Variants in PPP2R2B observed in about 807,000 individuals in gnomAD.
PPP2R2B encodes protein phosphatase 2 regulatory subunit Bbeta.
Under a neutral mutation model 46.0 loss-of-function variants are expected in PPP2R2B, and 5 were observed. The ratio of observed to expected loss-of-function variants is 0.11; its 90% CI spans 0.06 to 0.23. PPP2R2B has a LOEUF of 0.23. Ranked by LOEUF, PPP2R2B falls within the 10% of genes least tolerant of loss-of-function variation. The pLI, the probability that PPP2R2B is intolerant of heterozygous loss-of-function variation, is 1.00. For synonymous variants in PPP2R2B, 215 were observed against 206.7 expected, an observed-to-expected ratio of 1.04 and a Z score of -0.34; for missense variants, 367 against 575.0, an observed-to-expected ratio of 0.64 and a Z score of 3.70.
intron 5 of PPP2R2B, among the ~76,000 whole-genome samples, chr5:146,673,775 A>G (rs572824736): frequency 6.6e-6 from 1 of 152,336 alleles, no homozygotes; most frequent in African/African-American, 2.4e-5. Flanking sequence ...CTCAGTGAGA[A>G]CTTGAAAGTT....
At chr5:146,707,933 T>G (rs1779969565) in intron 2 of PPP2R2B, among the ~76,000 whole-genome samples, 1 of 152,224 alleles carries the variant, frequency 6.6e-6, no homozygotes, top group African/African-American at 2.4e-5. Flanking sequence ...CTTCGGTATT[T>G]TCTATATTTT....
chr5:146,659,041 C>A (rs1417864654), intron 5 of PPP2R2B, among the ~76,000 whole-genome samples: 3 of 152,066 alleles, frequency 2.0e-5, no homozygotes, highest in African/African-American at 7.3e-5. Context: ...TAGAAATGAT[C>A]AAAAACCTTT....
In PPP2R2B at chr5:146,908,777, C is replaced by T. The variant is rs148755610; in HGVS notation, c.79+146888G>A. On this transcript the variant is annotated intron_variant, in intron 1 of 8. Coordinates refer to the PPP2R2B transcript ENST00000336640. ...TCATGCCTTCTTTCTTCCTTTCCCG[C>T]CCTCCCTTCCTCCCTTCCTCCCTTC... 1.6e-3 allele frequency among the ~76,000 whole-genome samples: 237 copies of T among 150,670 alleles called. 3 individuals carry two copies. Among genetic ancestry groups the T allele is most frequent in the African/African-American group, 5.2e-3 (211 of 40,412 alleles).
intron 1 of PPP2R2B, among the ~76,000 whole-genome samples, chr5:146,926,915 C>CAACTCACT (rs34835501): frequency 6.6e-6 from 1 of 152,156 alleles, no homozygotes; most frequent in African/African-American, 2.4e-5. Flanking sequence ...ATGGCCCTCC[C>CAACTCACT]AACTCACTCC....
chr5:146,799,152 G>A (rs917743710), intron 2 of PPP2R2B, among the ~76,000 whole-genome samples: 2 of 152,178 alleles, frequency 1.3e-5, no homozygotes, highest in Non-Finnish European at 2.9e-5. Flanking sequence ...ACTAAACAAT[G>A]AGGAGGCCAA....
At chr5:146,621,261 C>T (rs1406409291) in intron 7 of PPP2R2B, among the ~76,000 whole-genome samples, 1 of 152,176 alleles carries the variant, frequency 6.6e-6, no homozygotes, top group African/African-American at 2.4e-5. Flanking sequence ...TTGCAAACAT[C>T]GAGTAGTGAT....
At position 146,638,248 on chromosome 5, in the gene PPP2R2B, C is replaced by T. The variant is rs1437015576; in HGVS notation, c.790+3G>A. The T allele has an allele frequency of 3.1e-6, 5 of 1,611,864 alleles. No individual in the cohort carries two copies. Among genetic ancestry groups the T allele is most frequent in the Admixed American group, 3.3e-5 (2 of 59,930 alleles). ...CCCCCACCTCCCTTCAGTTGCTACT[C>T]ACATTTGGTGTGCCTGTCACACAGG... On this transcript the variant is annotated splice_donor_region_variant and intron_variant, in intron 7 of 9. Coordinates refer to ENST00000394411, the MANE Select transcript of PPP2R2B (RefSeq NM_181675.4).
At chr5:146,707,034 A>G (rs1036571713) in intron 2 of PPP2R2B, 1 of 1,079,516 alleles carries the variant, frequency 9.3e-7, no homozygotes, top group African/African-American at 1.5e-5. Flanking sequence ...TGATGAGGAC[A>G]AATTCATTCT....
intron 1 of PPP2R2B, among the ~76,000 whole-genome samples, chr5:146,907,272 A>G (rs554286645): frequency 9.2e-5 from 14 of 152,198 alleles, no homozygotes; most frequent in Non-Finnish European, 1.2e-4. Context: ...TTTTTGCACA[A>G]GCGAGCTGGG....
chr5:146,696,930 T>C (rs1308741794), intron 4 of PPP2R2B, among the ~76,000 whole-genome samples: 2 of 152,222 alleles, frequency 1.3e-5, no homozygotes, highest in Non-Finnish European at 2.9e-5. Flanking sequence ...AAGGAACAAA[T>C]TGACAAGTTG....
chr5:146,834,202 G>T (rs560955792), intron 2 of PPP2R2B, among the ~76,000 whole-genome samples: 1 of 152,278 alleles, frequency 6.6e-6, no homozygotes, highest in Non-Finnish European at 1.5e-5. Context: ...CAAGGTCCTA[G>T]GTGCTTTATA....
intron 7 of PPP2R2B, among the ~76,000 whole-genome samples, chr5:146,635,005 A>G (rs187662490): frequency 6.6e-6 from 1 of 152,324 alleles, no homozygotes; most frequent in African/African-American, 2.4e-5. Context: ...CTGCAGGCCT[A>G]GAACCGGAGG....
At chr5:146,841,005 A>T (rs1489962833) in intron 2 of PPP2R2B, among the ~76,000 whole-genome samples, 1 of 152,216 alleles carries the variant, frequency 6.6e-6, no homozygotes, top group Non-Finnish European at 1.5e-5. Flanking sequence ...TATTACAAGC[A>T]TTAAATTTTG....
intron 5 of PPP2R2B, among the ~76,000 whole-genome samples, chr5:146,658,071 A>G (rs1291773503): frequency 6.6e-6 from 1 of 152,192 alleles, no homozygotes; most frequent in East Asian, 1.9e-4. Context: ...TAGAGGAGGT[A>G]GGCAATATGT....
chr5:146,929,139 G>A (rs114839745), intron 1 of PPP2R2B, among the ~76,000 whole-genome samples: 22 of 152,086 alleles, frequency 1.4e-4, no homozygotes, highest in Middle Eastern at 3.4e-3. Flanking sequence ...CCCACTGCCC[G>A]CCTACCTCTC....
intron 2 of PPP2R2B, among the ~76,000 whole-genome samples, chr5:146,714,987 T>G (rs915836498): frequency 5.3e-5 from 8 of 152,176 alleles, no homozygotes; most frequent in Admixed American, 1.3e-4. Flanking sequence ...CTAACTCATA[T>G]ACACTTTAAA....
chr5:147,027,237 A>G (rs1468557129), intron 1 of PPP2R2B, among the ~76,000 whole-genome samples: 1 of 152,212 alleles, frequency 6.6e-6, no homozygotes, highest in Non-Finnish European at 1.5e-5. Flanking sequence ...CCAACATATA[A>G]TGATCAAGTC....
rs114798516 is a variant in PPP2R2B at position 147,054,762 on chromosome 5, T to C, written c.79+903A>G. ...GAGTTGGAGTCACAACACCTCAGCA[T>C]CCTCAACCCTTTTCAATCAAATGCC... On this transcript the variant is annotated intron_variant, in intron 1 of 8. Coordinates refer to the PPP2R2B transcript ENST00000336640. The C allele has an allele frequency of 1.8e-3, 798 of 449,954 alleles. 7 individuals are homozygous for C. The highest frequency in any genetic ancestry group is 0.014 in the African/African-American group (721 of 49,858). 27.9% of individuals were successfully genotyped at this position (449,954 alleles called of 1,614,324 possible). A position where few individuals can be genotyped will look rare whatever the true frequency, so the allele number is the denominator to read the frequency against.
chr5:146,654,076 T>C (rs1776165030), intron 5 of PPP2R2B, among the ~76,000 whole-genome samples: 1 of 152,172 alleles, frequency 6.6e-6, no homozygotes, highest in Non-Finnish European at 1.5e-5. Flanking sequence ...CGGACACTAT[T>C]CCCTGAGTCA....
Sources: allele counts gnomAD v4.1 joint callset (sites outside exome capture counted in the v4.1 genomes callset), GRCh38; gene constraint gnomAD v4.1.1; transcripts MANE v1.5; gene names NCBI Gene and HGNC (gene_info 2026-07-23, HGNC 2026-07-21).